XPO7: variants seen among roughly 807,000 people sequenced by gnomAD.
XPO7 encodes exportin 7, also known as exportin-7.
XPO7 carries 21 observed loss-of-function variants against 144.3 expected under a neutral mutation model. That is an observed-to-expected ratio of 0.15 (90% CI 0.10 to 0.21). The LOEUF (loss-of-function observed/expected upper bound fraction) is 0.21, where lower values mean the gene tolerates loss of function less well. Ranked by LOEUF, XPO7 falls within the 10% of genes least tolerant of loss-of-function variation. The pLI is 1.00. For missense variants in XPO7, 808 were observed against 1,325.8 expected, an observed-to-expected ratio of 0.61 and a Z score of 6.06; for synonymous variants, 580 against 499.6, an observed-to-expected ratio of 1.16 and a Z score of -2.15.
intron 2 of XPO7, among the ~76,000 whole-genome samples, chr8:21,967,217 C>A (rs1811913947): frequency 6.6e-6 from 1 of 152,194 alleles, no homozygotes; most frequent in African/African-American, 2.4e-5. Context: ...CATTTCTGTT[C>A]TGTAATTTTT....
intron 25 of XPO7, 54 bp downstream of exon 25, chr8:22,002,326 C>G (rs1382528700): frequency 6.3e-7 from 1 of 1,578,858 alleles, no homozygotes; most frequent in Non-Finnish European, 8.6e-7. Context: ...AGAGGAAGGA[C>G]CTCTGCAAGA....
chr8:21,980,913 G>A (rs1424078939), intron 9 of XPO7, among the ~76,000 whole-genome samples: 4 of 152,148 alleles, frequency 2.6e-5, no homozygotes, highest in African/African-American at 4.8e-5. Context: ...TTCATAACTC[G>A]ATTGCCCTTT....
At chr8:21,961,988 C>G (rs538974504) in intron 1 of XPO7, among the ~76,000 whole-genome samples, 10 of 152,338 alleles carry the variant, frequency 6.6e-5, no homozygotes, top group African/African-American at 2.4e-4. Flanking sequence ...TAATGGCTAT[C>G]TCATCGTGAT....
chr8:21,944,731 T>C (rs1227087173), intron 1 of XPO7, among the ~76,000 whole-genome samples: 2 of 152,040 alleles, frequency 1.3e-5, no homozygotes, highest in African/African-American at 4.8e-5. Context: ...AGGTCTCCGG[T>C]TTTCCTAGGC....
At chr8:21,994,883 C>T (rs1037364086) in intron 20 of XPO7, among the ~76,000 whole-genome samples, 23 of 152,144 alleles carry the variant, frequency 1.5e-4, no homozygotes, top group African/African-American at 5.1e-4. Flanking sequence ...GAAACCCCGT[C>T]TGTACTAAAA....
intron 1 of XPO7, among the ~76,000 whole-genome samples, chr8:21,926,961 A>T (rs928948951): frequency 6.6e-6 from 1 of 152,236 alleles, no homozygotes; most frequent in African/African-American, 2.4e-5. Flanking sequence ...TTACTGGAAA[A>T]TGTGACCTTG....
chr8:21,972,039 G>A (rs890841386), intron 5 of XPO7, 98 bp downstream of exon 5: 11 of 1,177,012 alleles, frequency 9.3e-6, no homozygotes, highest in Non-Finnish European at 1.4e-5. Flanking sequence ...TGGCAGTTGT[G>A]TGCTTTTGCG....
In XPO7 at chr8:22,003,257, C is replaced by T; in HGVS notation, c.2982C>T (p.Asp994=). ...TGCTGAACATCATCATCTTTGAAGA[C>T]TGTAGGAACCAGTGGTCTATGTCCC... The part of the protein sequence containing the change: ...STVLNIIIFE[D]CRNQWSMSRP... Residue 994 remains aspartate (D), a synonymous_variant, in exon 26 of 28, where the codon GAC becomes GAT. Coordinates refer to ENST00000252512, the MANE Select transcript of XPO7 (RefSeq NM_015024.5). 1 of 1,613,282 alleles carries T rather than the reference C, an allele frequency of 6.2e-7. No homozygotes were observed. Among genetic ancestry groups the T allele is most frequent in the South Asian group, 1.1e-5 (1 of 90,818 alleles).
chr8:21,927,631 T>C (rs1472015228), intron 1 of XPO7, among the ~76,000 whole-genome samples: 1 of 149,456 alleles, frequency 6.7e-6, no homozygotes, highest in Non-Finnish European at 1.5e-5. Flanking sequence ...CGGCAACCTC[T>C]GCCTCCCGGG....
rs117794497 is a variant in XPO7, at chr8:21,978,043, G to T, written c.837+200G>T. ...TCTTAATTATTTTTAAATTATTCCT[G>T]TCTAAAGGCCAATTCCTGCAGATGG... On this transcript the variant is annotated intron_variant, in intron 8 of 27. Transcript: ENST00000252512. Among the ~76,000 whole-genome samples, 421 of 151,230 alleles carry T rather than the reference G, an allele frequency of 2.8e-3. 2 individuals carry two copies. Among genetic ancestry groups the T allele is most frequent in the South Asian group, 0.027 (129 of 4,764 alleles).
intron 1 of XPO7, among the ~76,000 whole-genome samples, chr8:21,953,638 C>T (rs1238869468): frequency 6.6e-6 from 1 of 152,214 alleles, no homozygotes; most frequent in East Asian, 1.9e-4. Context: ...TTCTCACCAA[C>T]AGTTCCTGTT....
chr8:21,932,341 A>G lies in XPO7; in HGVS notation c.18+12553A>G, dbSNP rs948414096. On this transcript the variant is annotated intron_variant, in intron 1 of 27. Coordinates refer to ENST00000252512, the MANE Select transcript of XPO7 (RefSeq NM_015024.5). Reference sequence around the variant, plus strand: ...ATTCCAGAGAATGAGAAAACTAGCAATCTGTGGGGCGTGTACGTCAAAACT... The same window carrying G: ...ATTCCAGAGAATGAGAAAACTAGCAGTCTGTGGGGCGTGTACGTCAAAACT... 5.3e-5 allele frequency among the ~76,000 whole-genome samples: 8 copies of G among 152,238 alleles called. No individual in the cohort carries two copies. In the East Asian group the frequency reaches 1.3e-3, roughly 26 times the overall value.
At chr8:21,967,097 C>G (rs1225925552) in intron 2 of XPO7, 94 bp downstream of exon 2, 2 of 1,464,454 alleles carry the variant, frequency 1.4e-6, no homozygotes, top group African/African-American at 1.4e-5. Context: ...GGCTTCTGTT[C>G]CCTGATTTTT....
chr8:21,998,870 T>A (rs748740264), intron 22 of XPO7, 33 bp downstream of exon 22: 4 of 1,608,830 alleles, frequency 2.5e-6, no homozygotes, highest in Non-Finnish European at 1.7e-6. Flanking sequence ...CCTCTAGAAG[T>A]TAATTCCAGC....
chr8:21,957,227 C>T (rs2117303334), intron 1 of XPO7, among the ~76,000 whole-genome samples: 1 of 152,030 alleles, frequency 6.6e-6, no homozygotes, highest in South Asian at 2.1e-4. Flanking sequence ...TTACAGGGTG[C>T]CCATAGCTTC....
intron 1 of XPO7, among the ~76,000 whole-genome samples, chr8:21,927,073 A>G (rs1310607611): frequency 6.6e-6 from 1 of 152,060 alleles, no homozygotes; most frequent in Non-Finnish European, 1.5e-5. Flanking sequence ...GGTGAATTGA[A>G]CCTGAGCAAC....
intron 1 of XPO7, among the ~76,000 whole-genome samples, chr8:21,958,338 C>T (rs1247979901): frequency 1.3e-5 from 2 of 151,820 alleles, no homozygotes; most frequent in African/African-American, 2.4e-5. Context: ...ACCACATTTG[C>T]GTCAAACAAG....
At chr8:21,993,325 TA>T (rs1335194728) in intron 19 of XPO7, among the ~76,000 whole-genome samples, 1 of 152,202 alleles carries the variant, frequency 6.6e-6, no homozygotes, top group Non-Finnish European at 1.5e-5. Context: ...TAAAGTCTTT[TA>T]AGAGACTGAC....
intron 1 of XPO7, among the ~76,000 whole-genome samples, chr8:21,963,079 TTATA>T (rs1161538554): frequency 1.3e-5 from 2 of 152,174 alleles, no homozygotes; most frequent in Admixed American, 1.3e-4. Flanking sequence ...CGGCAATTCT[TTATA>T]TATTTGTGGC....
Sources: gnomAD v4.1 joint callset for allele counts (sites outside exome capture counted in the v4.1 genomes callset) on GRCh38, gnomAD v4.1.1 for gene constraint, MANE v1.5 for transcripts, NCBI Gene and HGNC (gene_info 2026-07-23, HGNC 2026-07-21) for gene names.